CASK: variants seen among roughly 807,000 people sequenced by gnomAD.
CASK encodes the protein calcium/calmodulin dependent serine protein kinase.
In CASK, 4 loss-of-function variants were observed where a neutral mutation model predicts 82.9. That is an observed-to-expected ratio of 0.05 (90% confidence interval 0.02 to 0.11). The LOEUF (loss-of-function observed/expected upper bound fraction) is 0.11. CASK is among the 10% of genes least tolerant of loss of function. The probability of loss-of-function intolerance (pLI) is 1.00; values close to 1 mark genes in which losing one functional copy is unlikely to be tolerated. For missense variants in CASK, 358 were observed against 720.9 expected, an observed-to-expected ratio of 0.50 and a Z score of 5.76; for synonymous variants, 259 against 253.5, an observed-to-expected ratio of 1.02 and a Z score of -0.20.
chrX:41,630,364 T>C lies in CASK; in HGVS notation c.916-3661A>G, dbSNP rs181279366. Among the ~76,000 whole-genome samples the C allele has an allele frequency of 1.7e-3, 193 of 111,847 alleles. 1 individual carries two copies. In the South Asian group the frequency reaches 0.069, roughly 40 times the overall value. ...AACACAAGAGCTGAACAAAGATGTA[T>C]TGCTGACTTGAAGACAAAAACCAAA... On this transcript the variant is annotated intron_variant, in intron 9 of 26. Transcript: ENST00000378163.
At chrX:41,521,360 C>T (rs1264392487) in intron 26 of CASK, among the ~76,000 whole-genome samples, 5 of 111,567 alleles carry the variant, frequency 4.5e-5, no homozygotes, top group Non-Finnish European at 9.4e-5. Flanking sequence ...TGTCACTGTT[C>T]GTAGGTCCTC....
chrX:41,523,603 T>C (rs1488410817), intron 26 of CASK, among the ~76,000 whole-genome samples: 1 of 112,448 alleles, frequency 8.9e-6, no homozygotes, highest in Non-Finnish European at 1.9e-5. Context: ...GGCTTGACAG[T>C]GGACAGAGCT....
intron 2 of CASK, among the ~76,000 whole-genome samples, chrX:41,817,397 G>T (rs1226312395): frequency 1.8e-5 from 2 of 111,849 alleles, no homozygotes; most frequent in Admixed American, 1.9e-4. Context: ...AACCAAACAA[G>T]AGGAATCCAG....
chrX:41,717,330 G>A (rs985893683), intron 5 of CASK, among the ~76,000 whole-genome samples: 7 of 112,150 alleles, frequency 6.2e-5, no homozygotes, highest in African/African-American at 2.3e-4. Context: ...ATTCTTCTTT[G>A]TGGCACCGAA....
Position 41,868,225 on chromosome X carries a change from C to A in CASK, c.60-14998G>T, listed in dbSNP as rs780425038. Among the ~76,000 whole-genome samples, 7 of 111,349 alleles carry A rather than the reference C, an allele frequency of 6.3e-5. No individual in the cohort carries two copies. In the East Asian group the frequency reaches 2.0e-3, roughly 31 times the overall value. ...CTATGCCCTGTCCTTTAATGGAATC[C>A]TTTACTTTATATCAACCAGTAGGGA... On this transcript the variant is annotated intron_variant, in intron 1 of 26. Coordinates refer to ENST00000378163, the MANE Select transcript of CASK (RefSeq NM_001367721.1).
intron 1 of CASK, among the ~76,000 whole-genome samples, chrX:41,862,195 A>G (rs1026746587): frequency 3.6e-5 from 4 of 110,118 alleles, no homozygotes; most frequent in Non-Finnish European, 7.6e-5. Flanking sequence ...TTCCAGAGGT[A>G]AGTAATAGCC....
intron 2 of CASK, among the ~76,000 whole-genome samples, chrX:41,825,385 A>G (rs909898199): frequency 8.9e-6 from 1 of 111,982 alleles, no homozygotes; most frequent in Non-Finnish European, 1.9e-5. Flanking sequence ...TTCACTCTAG[A>G]TACCCAGCAA....
intron 3 of CASK, among the ~76,000 whole-genome samples, chrX:41,780,638 C>CTAT (rs980382908): frequency 4.5e-4 from 50 of 111,196 alleles, no homozygotes; most frequent in African/African-American, 1.5e-3. Flanking sequence ...TAGATATCAA[C>CTAT]TATTATTATT....
At chrX:41,798,814 G>A (rs1484656758) in intron 2 of CASK, among the ~76,000 whole-genome samples, 1 of 104,442 alleles carries the variant, frequency 9.6e-6, no homozygotes, top group Non-Finnish European at 2.0e-5. Context: ...CAGCCTAGGT[G>A]ACAGAGCAAG....
intron 2 of CASK, among the ~76,000 whole-genome samples, chrX:41,852,647 C>T (rs1338424761): frequency 2.7e-5 from 3 of 111,208 alleles, no homozygotes; most frequent in Admixed American, 9.6e-5. Flanking sequence ...ACACATATAT[C>T]ATATGTGACT....
Position 41,861,815 on chromosome X carries a change from TTGTATATA to T in CASK, c.60-8596_60-8589del, listed in dbSNP as rs900100256. On this transcript the variant is annotated intron_variant, in intron 1 of 26. Coordinates refer to ENST00000378163, the MANE Select transcript of CASK (RefSeq NM_001367721.1). ...TATATATGTATATATAATGTATATA[TTGTATATA>T]TGTATATATACATACAATATATACA... Among the ~76,000 whole-genome samples, 615 of 101,670 alleles carry T rather than the reference TTGTATATA, an allele frequency of 6.0e-3. 4 individuals carry two copies. The highest frequency in any genetic ancestry group is 9.9e-3 in the Non-Finnish European group (506 of 51,068). 88.3% of individuals were successfully genotyped at this position (101,670 alleles called of 115,157 possible). A position where few individuals can be genotyped will look rare whatever the true frequency, so the allele number is the denominator to read the frequency against.
chrX:41,614,263 A>G (rs2066157232), intron 11 of CASK, among the ~76,000 whole-genome samples: 1 of 111,792 alleles, frequency 8.9e-6, no homozygotes, highest in African/African-American at 3.3e-5. Flanking sequence ...CATTTCTACA[A>G]TTTTGTCATT....
At chrX:41,754,126 A>C (rs2068846620) in intron 3 of CASK, among the ~76,000 whole-genome samples, 1 of 111,617 alleles carries the variant, frequency 9.0e-6, no homozygotes, top group Non-Finnish European at 1.9e-5. Context: ...GGCCAAGTGC[A>C]GTGCCTCACA....
intron 25 of CASK, chrX:41,524,603 G>T (rs1471662727): frequency 8.3e-6 from 1 of 121,171 alleles, no homozygotes; most frequent in African/African-American, 3.3e-5. Context: ...TAGTCCTGTC[G>T]CTAAAGACAC....
intron 1 of CASK, among the ~76,000 whole-genome samples, chrX:41,908,501 A>G (rs2072508674): frequency 8.9e-6 from 1 of 112,249 alleles, no homozygotes; most frequent in Non-Finnish European, 1.9e-5. Context: ...ATTACAATAC[A>G]TGATTAAGTT....
chrX:41,651,645 T>C (rs1403148232), intron 8 of CASK, among the ~76,000 whole-genome samples: 1 of 112,168 alleles, frequency 8.9e-6, no homozygotes, highest in Non-Finnish European at 1.9e-5. Flanking sequence ...CAAGATCCAC[T>C]GAAATCTCAA....
chrX:41,739,761 AT>A (rs1220550100), intron 4 of CASK, among the ~76,000 whole-genome samples: 2 of 112,268 alleles, frequency 1.8e-5, no homozygotes, highest in East Asian at 2.8e-4. Flanking sequence ...AAACATGACA[AT>A]TTTTTTCCCC....
rs1030746078 is a variant in CASK at position 41,704,010 on chromosome X, G to A, written c.430-32480C>T. ...ATTCAGTTTTCTTCTTGGGTGAATG[G>A]CCTATTCATATCTATACCCCTCCCC... On this transcript the variant is annotated intron_variant, in intron 5 of 26. Coordinates refer to ENST00000378163, the MANE Select transcript of CASK (RefSeq NM_001367721.1). 9.9e-5 allele frequency among the ~76,000 whole-genome samples: 11 copies of A among 110,649 alleles called. 1 individual carries two copies. Among genetic ancestry groups the A allele is most frequent in the Middle Eastern group, 4.6e-3 (1 of 217 alleles).
intron 2 of CASK, among the ~76,000 whole-genome samples, chrX:41,799,412 C>T (rs781710128): frequency 7.2e-5 from 8 of 110,498 alleles, no homozygotes; most frequent in Middle Eastern, 4.6e-3. Context: ...TGGTGGCGTG[C>T]GCCTGTAATC....
Sources: allele counts gnomAD v4.1 joint callset (sites outside exome capture counted in the v4.1 genomes callset), GRCh38; gene constraint gnomAD v4.1.1; transcripts MANE v1.5; gene names NCBI Gene and HGNC (gene_info 2026-07-23, HGNC 2026-07-21).